ANKK1: variants seen among roughly 807,000 people sequenced by gnomAD.
The protein encoded by ANKK1 is ankyrin repeat and kinase domain containing 1.
A neutral mutation model predicts 37.6 loss-of-function variants in ANKK1; 37 were observed. The ratio of observed to expected loss-of-function variants is 0.98; its 90% CI spans 0.76 to 1.29. The LOEUF is 1.29. ANKK1 is among the 50% of genes most tolerant of loss of function. The pLI, the probability that ANKK1 is intolerant of heterozygous loss-of-function variation, is 0.00. For missense variants in ANKK1, 1,019 were observed against 990.6 expected (o/e 1.03, Z -0.39); for synonymous variants, 415 against 418.7 (o/e 0.99, Z 0.11).
At chr11:113,397,136 A>C in intron 5 of ANKK1, 88 bp from the exon 6 acceptor site, 2 of 1,075,102 alleles carry the variant, frequency 1.9e-6, no homozygotes, top group Non-Finnish European at 2.7e-6. Flanking sequence ...ATTTTGGGAG[A>C]CAGGAATGTT....
chr11:113,395,404 C>A lies in ANKK1; in HGVS notation c.678C>A (p.Tyr226Ter), dbSNP rs375917085. The change falls in exon 4 of 8, where the codon TAC becomes TAA. Residue 226 changes from tyrosine to a stop codon, truncating the protein, a stop_gained. Coordinates refer to ENST00000303941, the MANE Select transcript of ANKK1 (RefSeq NM_178510.2). LOFTEE classifies it high-confidence loss of function. ...AGCTACTCACTCAGAAGAAACCATA[C>A]TCAGGTAAGCAGGCGGCTGTGGCTC... ...IWELLTQKKP[Y>*]SGFNMMMIII... The A allele has an allele frequency of 4.3e-6, 7 of 1,613,778 alleles. No individual in the cohort carries two copies. The highest frequency in any genetic ancestry group is 5.9e-6 in the Non-Finnish European group (7 of 1,179,860).
intron 3 of ANKK1, 90 bp from the exon 4 acceptor site, chr11:113,395,269 G>T: frequency 1.3e-6 from 2 of 1,549,758 alleles, no homozygotes; most frequent in South Asian, 2.3e-5. Flanking sequence ...GGGACTGTGT[G>T]AACTGTAGCC....
chr11:113,396,330 G>T (rs1275012105), intron 5 of ANKK1, 108 bp downstream of exon 5: 1 of 1,367,842 alleles, frequency 7.3e-7, no homozygotes, highest in Non-Finnish European at 9.8e-7. Flanking sequence ...TTGGTACTAC[G>T]GCCTAGAAGG....
intron 5 of ANKK1, 34 bp from the exon 6 acceptor site, chr11:113,397,190 T>C: frequency 6.3e-7 from 1 of 1,580,856 alleles, no homozygotes; most frequent in Non-Finnish European, 8.6e-7. Context: ...AGCCCGTTGC[T>C]TCCTTTCCTG....
chr11:113,393,558 G>C lies in ANKK1; in HGVS notation c.263G>C (p.Gly88Ala), dbSNP rs747315358. The change falls in exon 2 of 8, where the codon GGG (glycine) becomes GCG (alanine). Residue 88 changes from glycine to alanine, a missense_variant. Coordinates refer to ENST00000303941, the MANE Select transcript of ANKK1 (RefSeq NM_178510.2). Reference sequence around the variant, plus strand: ...TTTCAGCACATCGTGTCTATCTACGGGGTGTGCAAGCAGCCCCTGGGTATT... The same window carrying C: ...TTTCAGCACATCGTGTCTATCTACGCGGTGTGCAAGCAGCCCCTGGGTATT... ...IKFQHIVSIY[G>A]VCKQPLGIVM... 6.2e-7 allele frequency: 1 copy of C among 1,613,974 alleles called. No individual in the cohort carries two copies. The highest frequency in any genetic ancestry group is 1.7e-5 in the Admixed American group (1 of 60,026).
chr11:113,387,872 G>A lies in ANKK1; in HGVS notation c.-13G>A, dbSNP rs1240082327. 2.0e-6 allele frequency: 3 copies of A among 1,520,018 alleles called. No individual in the cohort carries two copies. Among genetic ancestry groups the A allele is most frequent in the East Asian group, 2.5e-5 (1 of 40,318 alleles). The allele number at this position is 1,520,018 out of a possible 1,614,324, so 94.2% of individuals were successfully genotyped here. ...CGGGGAGTGCGCGGCGCGGGGACAG[G>A]AAGAGAGGGGCAATGGCTGCCGACC... On this transcript the variant is annotated 5_prime_UTR_variant, in exon 1 of 8. Coordinates refer to ENST00000303941, the MANE Select transcript of ANKK1 (RefSeq NM_178510.2).
In ANKK1 at chr11:113,400,401, A is replaced by G. The variant is rs1203439472; in HGVS notation, c.*134A>G. The G allele has an allele frequency of 1.0e-6, 1 of 970,406 alleles. No individual in the cohort carries two copies. Among genetic ancestry groups the G allele is most frequent in the Admixed American group, 2.9e-5 (1 of 34,332 alleles). 60.1% of individuals were successfully genotyped at this position (970,406 alleles called of 1,614,324 possible). A position where few individuals can be genotyped will look rare whatever the true frequency, so the allele number is the denominator to read the frequency against. On this transcript the variant is annotated 3_prime_UTR_variant, in exon 8 of 8. Coordinates refer to ENST00000303941, the MANE Select transcript of ANKK1 (RefSeq NM_178510.2). ...GCAAAACCCTGTCTCTGCTAAAAAT[A>G]CAAAATTTAGCTGGGTATGGTGGCA...
chr11:113,399,473 G>A lies in ANKK1; in HGVS notation c.1504G>A (p.Ala502Thr), dbSNP rs369229013. ...GGGCAAGACCCCCCTCCATGTGGCC[G>A]CCTACTTTGGCCATGTTAGCCTGGT... is the stretch of plus-strand genomic sequence containing the variant. ...AEGKTPLHVA[A>T]YFGHVSLVKL... Residue 502 changes from alanine (A) to threonine (T), a missense_variant, in exon 8 of 8, where the codon GCC becomes ACC. Physicochemically the swap from Ala to Thr is moderately conservative, Grantham distance 58. Transcript: ENST00000303941. 109 of 1,590,824 alleles carry A rather than the reference G, an allele frequency of 6.9e-5. 3 individuals carry two copies. The African/African-American group carries it at 9.5e-4, about 14-fold the overall frequency.
rs771630599 is a variant in ANKK1, at chr11:113,399,711, G to C, written c.1742G>C (p.Arg581Thr). ...TACCTGATCTGCAAGATGCTGCTCA[G>C]GTACGGAGCCAGCCTTGAGCTGCCC... ...GKYLICKMLL[R>T]YGASLELPTH... Residue 581 changes from arginine (R) to threonine (T), a missense_variant, in exon 8 of 8, where the codon AGG becomes ACG. Arg to Thr is a moderately conservative substitution (Grantham distance 71, BLOSUM62 -1). Coordinates refer to ENST00000303941, the MANE Select transcript of ANKK1 (RefSeq NM_178510.2). 1.4e-5 allele frequency: 22 copies of C among 1,598,652 alleles called. No homozygotes were observed. Among genetic ancestry groups the C allele is most frequent in the Non-Finnish European group, 1.8e-5 (21 of 1,172,900 alleles).
In ANKK1 at chr11:113,393,494, T is replaced by A. The variant is rs1232405137; in HGVS notation, c.199T>A (p.Tyr67Asn). 1.2e-6 allele frequency: 2 copies of A among 1,613,376 alleles called. No individual in the cohort carries two copies. The highest frequency in any genetic ancestry group is 2.2e-5 in the South Asian group (2 of 91,000). Residue 67 changes from tyrosine (Y) to asparagine (N), a missense_variant, in exon 2 of 8, where the codon TAC (tyrosine) becomes AAC (asparagine). Physicochemically the swap from Tyr to Asn is moderately radical, Grantham distance 143. Transcript: ENST00000303941. ...CCCTCTCCATAGCTCTGATGTGAAT[T>A]ACCTCATTGAAGAAGCTGCCAAAAT... ...PPDAASSDVN[Y>N]LIEEAAKMKK...
intron 4 of ANKK1, 83 bp downstream of exon 4, chr11:113,395,491 G>T: frequency 2.1e-6 from 3 of 1,450,134 alleles, no homozygotes; most frequent in Non-Finnish European, 2.9e-6. Flanking sequence ...GAGGACTGAG[G>T]GTTGGGGGGG....
chr11:113,392,550 G>A (rs1950596103), intron 1 of ANKK1, among the ~76,000 whole-genome samples: 1 of 152,198 alleles, frequency 6.6e-6, no homozygotes, highest in South Asian at 2.1e-4. Context: ...TGCAAATACT[G>A]TGCTCTCAAA....
At chr11:113,395,932 G>T in intron 4 of ANKK1, 135 bp from the exon 5 acceptor site, 1 of 1,018,400 alleles carries the variant, frequency 9.8e-7, no homozygotes, top group Non-Finnish European at 1.4e-6. Flanking sequence ...AAGTCTAGCT[G>T]TTTACTCACC....
Position 113,399,287 on chromosome 11 carries a change from G to T in ANKK1, c.1318G>T (p.Asp440Tyr). Residue 440 changes from aspartate (D) to tyrosine (Y), a missense_variant, in exon 8 of 8, where the codon GAT becomes TAT. Asp to Tyr is a radical substitution (Grantham distance 160, BLOSUM62 -3). Transcript: ENST00000303941. ...ACTGCACTTTGCAGCCCAGAATGGGGATGACGGCACTGCGCGCCTGCTCCT... is the reference window on the plus strand; with the variant it reads ...ACTGCACTTTGCAGCCCAGAATGGGTATGACGGCACTGCGCGCCTGCTCCT... ...APLHFAAQNG[D>Y]DGTARLLLDH... is the part of the protein sequence containing the mutation. 6.2e-7 allele frequency: 1 copy of T among 1,604,866 alleles called. No homozygotes were observed. Among genetic ancestry groups the T allele is most frequent in the Non-Finnish European group, 8.5e-7 (1 of 1,176,100 alleles).
Position 113,396,254 on chromosome 11 carries a change from G to C in ANKK1, c.838+32G>C, listed in dbSNP as rs7119146. ...ATCCAGTGCCCCCTACCCAGGGACT[G>C]GGAGCTGGGTGGGGCCGGGAGGGGA... On this transcript the variant is annotated intron_variant, in intron 5 of 7. Coordinates refer to ENST00000303941, the MANE Select transcript of ANKK1 (RefSeq NM_178510.2). The C allele has an allele frequency of 4.2e-5, 68 of 1,609,624 alleles. No homozygotes were observed. The African/African-American group carries it at 7.3e-4, about 17-fold the overall frequency.
rs1237669760 is a variant in ANKK1 at position 113,399,388 on chromosome 11, T to A, written c.1419T>A (p.Phe473Leu). 1 of 1,601,148 alleles carries A rather than the reference T, an allele frequency of 6.2e-7. No individual in the cohort carries two copies. Among genetic ancestry groups the A allele is most frequent in the East Asian group, 2.3e-5 (1 of 44,354 alleles). Residue 473 changes from phenylalanine to leucine, a missense_variant, in exon 8 of 8, where the codon TTT (phenylalanine) becomes TTA (leucine). Coordinates refer to ENST00000303941, the MANE Select transcript of ANKK1 (RefSeq NM_178510.2). ...TPLHLAAQNN[F>L]ENVARLLVSR... Reference sequence around the variant, plus strand: ...TTCACCTGGCTGCACAGAATAACTTTGAGAATGTGGCACGGCTTCTGGTCT... The same window carrying A: ...TTCACCTGGCTGCACAGAATAACTTAGAGAATGTGGCACGGCTTCTGGTCT...
rs912940634 is a variant in ANKK1, at chr11:113,400,351, G to A, written c.*84G>A. ...GCAGGCAGATCACCTGATATCAAGAGTTTGAGGCCAGCCTGGCCAACATGG... is the reference window on the plus strand; with the variant it reads ...GCAGGCAGATCACCTGATATCAAGAATTTGAGGCCAGCCTGGCCAACATGG... On this transcript the variant is annotated 3_prime_UTR_variant, in exon 8 of 8. Transcript: ENST00000303941. The A allele has an allele frequency of 1.4e-5, 18 of 1,312,348 alleles. No homozygotes were observed. Among genetic ancestry groups the A allele is most frequent in the Non-Finnish European group, 1.8e-5 (18 of 981,094 alleles). The allele number at this position is 1,312,348 out of a possible 1,614,324, so 81.3% of individuals were successfully genotyped here.
intron 1 of ANKK1, among the ~76,000 whole-genome samples, chr11:113,390,876 T>C (rs1483444681): frequency 6.6e-6 from 1 of 151,994 alleles, no homozygotes; most frequent in African/African-American, 2.4e-5. Flanking sequence ...AAATGAATAA[T>C]AAACTTTTTA....
chr11:113,395,049 A>G lies in ANKK1; in HGVS notation c.601A>G (p.Lys201Glu). The G allele has an allele frequency of 6.2e-7, 1 of 1,612,742 alleles. No individual in the cohort carries two copies. Among genetic ancestry groups the G allele is most frequent in the Non-Finnish European group, 8.5e-7 (1 of 1,179,346 alleles). ...CCCTGAGATGTTCCTGGAGAGTAAC[A>G]AGGCCCCAGGACCTAAATATGATGT... is the stretch of plus-strand genomic sequence containing the variant. ...IPPEMFLESNKAPGPKYDVYS... is the reference protein window; with the variant it reads ...IPPEMFLESNEAPGPKYDVYS... Residue 201 changes from lysine (K) to glutamate (E), a missense_variant, in exon 3 of 8, where the codon AAG (lysine) becomes GAG (glutamate). Transcript: ENST00000303941.
Sources: gnomAD v4.1 joint callset for allele counts (sites outside exome capture counted in the v4.1 genomes callset) on GRCh38, gnomAD v4.1.1 for gene constraint, MANE v1.5 for transcripts, NCBI Gene and HGNC (gene_info 2026-07-23, HGNC 2026-07-21) for gene names.